Variants in GAB4 observed in about 807,000 individuals in gnomAD.
GAB4 encodes GRB2-associated-binding protein 4.
Under a neutral mutation model 51.3 loss-of-function variants are expected in GAB4, and 26 were observed. The observed-to-expected ratio is 0.51, with a 90% CI of 0.37 to 0.70. The LOEUF is 0.70. Among genes scored for constraint, GAB4 ranks in the 30% least tolerant of loss-of-function variants. The probability of loss-of-function intolerance (pLI) is 0.00; values close to 1 mark genes in which losing one functional copy is unlikely to be tolerated. For missense variants in GAB4, 759 were observed against 734.6 expected (o/e 1.03, Z -0.38); for synonymous variants, 329 against 291.2 (o/e 1.13, Z -1.32).
chr22:16,975,335 C>T (rs949272395), intron 3 of GAB4, among the ~76,000 whole-genome samples: 2 of 152,162 alleles, frequency 1.3e-5, no homozygotes, highest in African/African-American at 4.8e-5. Context: ...GTAGGGCATC[C>T]GCCATTACTG....
chr22:16,987,929 A>G lies in GAB4; in HGVS notation c.686+31T>C, dbSNP rs1460267375. 5.3e-6 allele frequency: 8 copies of G among 1,520,834 alleles called. No individual in the cohort carries two copies. The African/African-American group carries it at 1.1e-4, about 21-fold the overall frequency. 94.2% of individuals were successfully genotyped at this position (1,520,834 alleles called of 1,614,324 possible). A position where few individuals can be genotyped will look rare whatever the true frequency, so the allele number is the denominator to read the frequency against. ...AATAGAACAAGACCTTGTGGGGGTCACTGCCCCCACTGGCCATAGTAGCCC... is the reference window on the plus strand; with the variant it reads ...AATAGAACAAGACCTTGTGGGGGTCGCTGCCCCCACTGGCCATAGTAGCCC... On this transcript the variant is annotated intron_variant, in intron 3 of 9. Transcript: ENST00000400588.
intron 3 of GAB4, among the ~76,000 whole-genome samples, chr22:16,979,906 G>C (rs1358342370): frequency 6.6e-6 from 1 of 152,168 alleles, no homozygotes; most frequent in African/African-American, 2.4e-5. Flanking sequence ...ACAAGCAATG[G>C]GGAAAGGATT....
rs571902195 is a variant in GAB4, at chr22:16,989,837, C to T, written c.479-1670G>A. On this transcript the variant is annotated intron_variant, in intron 2 of 9. Coordinates refer to ENST00000400588, the MANE Select transcript of GAB4 (RefSeq NM_001037814.1). ...GCTCTAGACCCTCCTCAGCCTCACC[C>T]TGACTCCGGATACCGCAGGGTGATC... is the stretch of plus-strand genomic sequence containing the variant. Among the ~76,000 whole-genome samples, 242 of 152,354 alleles carry T rather than the reference C, an allele frequency of 1.6e-3. 1 individual carries two copies. Among genetic ancestry groups the T allele is most frequent in the Non-Finnish European group, 2.6e-3 (176 of 68,034 alleles).
intron 1 of GAB4, among the ~76,000 whole-genome samples, chr22:16,998,944 A>C (rs191441813): frequency 2.5e-4 from 38 of 151,896 alleles, no homozygotes; most frequent in Non-Finnish European, 4.9e-4. Context: ...GATTACATTT[A>C]TTGATGTGTG....
intron 3 of GAB4, among the ~76,000 whole-genome samples, chr22:16,978,246 G>A (rs1443153745): frequency 6.6e-6 from 1 of 152,164 alleles, no homozygotes; most frequent in Non-Finnish European, 1.5e-5. Flanking sequence ...TCCACGAGCT[G>A]TCTTTTGGAA....
At chr22:16,996,056 C>T (rs2060946821) in intron 1 of GAB4, among the ~76,000 whole-genome samples, 1 of 151,836 alleles carries the variant, frequency 6.6e-6, no homozygotes, top group Non-Finnish European at 1.5e-5. Flanking sequence ...AGCTAAGAAC[C>T]TTGATAAATG....
At chr22:16,977,286 G>A (rs1316799652) in intron 3 of GAB4, among the ~76,000 whole-genome samples, 2 of 151,144 alleles carry the variant, frequency 1.3e-5, no homozygotes, top group African/African-American at 4.9e-5. Context: ...CATCTCACGT[G>A]CAAAGACACA....
At chr22:16,964,886 G>A (rs1197850980) in intron 7 of GAB4, 24 bp from the exon 8 acceptor site, 1 of 1,584,124 alleles carries the variant, frequency 6.3e-7, no homozygotes, top group South Asian at 1.1e-5. Context: ...AAGGCAAGGA[G>A]TACATCCTGG....
At chr22:16,980,423 T>C (rs1444450804) in intron 3 of GAB4, among the ~76,000 whole-genome samples, 2 of 152,180 alleles carry the variant, frequency 1.3e-5, no homozygotes, top group Non-Finnish European at 2.9e-5. Flanking sequence ...TCATCACTGG[T>C]CATTACAGAA....
chr22:16,963,802 C>T lies in GAB4; in HGVS notation c.1504G>A (p.Gly502Ser), dbSNP rs769048821. 5.0e-6 allele frequency: 8 copies of T among 1,613,856 alleles called. No homozygotes were observed. Among genetic ancestry groups the T allele is most frequent in the African/African-American group, 1.3e-5 (1 of 75,004 alleles). Residue 502 changes from glycine to serine, a missense_variant, in exon 9 of 10, where the codon GGT becomes AGT. Gly to Ser is a moderately conservative substitution (Grantham distance 56). Coordinates refer to ENST00000400588, the MANE Select transcript of GAB4 (RefSeq NM_001037814.1). ...GGCGGGGCTGAACTGCTGGTGCCAC[C>T]GGAAACAGGAAATGCAGATGCCGGG... ...PNPASAFPVSGGTSSSAPPRS... is the reference protein window; with the variant it reads ...PNPASAFPVSSGTSSSAPPRS...
chr22:16,966,089 G>GA lies in GAB4; in HGVS notation c.1288+10dup. The GA allele has an allele frequency of 6.2e-7, 1 of 1,612,900 alleles. No homozygotes were observed. Among genetic ancestry groups the GA allele is most frequent in the Non-Finnish European group, 8.5e-7 (1 of 1,179,432 alleles). ...GGACATTGTCAAGAAATAGAATGGG[G>GA]AAAGACTTACCCTTCTGGTTAGGCT... On this transcript the variant is annotated intron_variant, in intron 6 of 9. Transcript: ENST00000400588.
chr22:16,976,037 A>G (rs1314270497), intron 3 of GAB4, among the ~76,000 whole-genome samples: 1 of 152,210 alleles, frequency 6.6e-6, no homozygotes, highest in East Asian at 1.9e-4. Flanking sequence ...CACCAACATC[A>G]AAGATCAAAG....
chr22:16,983,379 A>G (rs1296969179), intron 3 of GAB4, among the ~76,000 whole-genome samples: 1 of 152,094 alleles, frequency 6.6e-6, no homozygotes, highest in Non-Finnish European at 1.5e-5. Context: ...CCCCAACACT[A>G]CCTAAAGAAA....
rs775667478 is a variant in GAB4, at chr22:16,962,787, A to T, written c.1671T>A (p.His557Gln). The T allele has an allele frequency of 6.2e-6, 10 of 1,613,492 alleles. No homozygotes were observed. Among genetic ancestry groups the T allele is most frequent in the Admixed American group, 1.7e-5 (1 of 60,000 alleles). ...AGGACTGCCGCAGGCACATCTGTTC[A>T]TGCATGGTCTTCTGCAGGGCCTGGG... ...EKTQALQKTM[H>Q]EQMCLRQSSE... Residue 557 changes from histidine to glutamine, a missense_variant, in exon 10 of 10, where the codon CAT becomes CAA. Transcript: ENST00000400588.
chr22:16,969,488 A>AC (rs2060711250), intron 4 of GAB4: 1 of 465,360 alleles, frequency 2.1e-6, no homozygotes, highest in Non-Finnish European at 3.7e-6. Context: ...GATGAACTTG[A>AC]CTATCAGTGA....
rs1394856248 is a variant in GAB4 at position 16,970,827 on chromosome 22, GAA to G, written c.687-636_687-635del. On this transcript the variant is annotated intron_variant, in intron 3 of 9. Transcript: ENST00000400588. ...CGGTGGTTAGAGAGGCAATTCGAAG[GAA>G]AAGTTTCTCTCCCCAGAAACCTAAA... Among the ~76,000 whole-genome samples, 3 of 152,138 alleles carry G rather than the reference GAA, an allele frequency of 2.0e-5. 1 individual carries two copies. Among genetic ancestry groups the G allele is most frequent in the Non-Finnish European group, 4.4e-5 (3 of 68,032 alleles).
intron 1 of GAB4, among the ~76,000 whole-genome samples, chr22:17,003,356 C>T (rs2061013555): frequency 6.6e-6 from 1 of 152,176 alleles, no homozygotes; most frequent in Non-Finnish European, 1.5e-5. Context: ...GAGCTCCCCA[C>T]CCCAAATCAA....
At position 16,965,188 on chromosome 22, in the gene GAB4, A is replaced by T. The variant is rs1332381913; in HGVS notation, c.1369T>A (p.Ser457Thr). 1.9e-6 allele frequency: 3 copies of T among 1,612,976 alleles called. No homozygotes were observed. Among genetic ancestry groups the T allele is most frequent in the Non-Finnish European group, 2.5e-6 (3 of 1,179,256 alleles). The change falls in exon 7 of 10, where the codon TCT becomes ACT. Residue 457 changes from serine to threonine, a missense_variant. Transcript: ENST00000400588. Reference sequence around the variant, plus strand: ...CTGACAGACACTCACCTGGTCCCAGACCAGGGCTCTGTGACAGGTGGCTTG... The same window carrying T: ...CTGACAGACACTCACCTGGTCCCAGTCCAGGGCTCTGTGACAGGTGGCTTG... The part of the protein sequence containing the change: ...SFKPPVTEPW[S>T]GTSHTFDSSS...
intron 2 of GAB4, among the ~76,000 whole-genome samples, chr22:16,990,679 T>C (rs1247170847): frequency 6.6e-6 from 1 of 152,206 alleles, no homozygotes; most frequent in Non-Finnish European, 1.5e-5. Flanking sequence ...AGTCCATTTA[T>C]ATGCAGACCT....
Sources: gnomAD v4.1 joint callset for allele counts (sites outside exome capture counted in the v4.1 genomes callset) on GRCh38, gnomAD v4.1.1 for gene constraint, MANE v1.5 for transcripts, NCBI Gene and HGNC (gene_info 2026-07-23, HGNC 2026-07-21) for gene names.